The following CDCP1 variants were observed in gnomAD, a reference collection of about 807,000 sequenced individuals.
CDCP1 encodes CUB domain-containing protein 1.
CDCP1 carries 29 observed loss-of-function variants against 60.2 expected under a neutral mutation model. The ratio of observed to expected loss-of-function variants is 0.48; its 90% CI spans 0.36 to 0.66. The LOEUF is 0.66. Ranked by LOEUF, CDCP1 falls within the 30% of genes least tolerant of loss-of-function variation. CDCP1 has a pLI of 0.00. For missense variants in CDCP1, 876 were observed against 1,074.3 expected, an observed-to-expected ratio of 0.82 and a Z score of 2.58; for synonymous variants, 387 against 431.1, an observed-to-expected ratio of 0.90 and a Z score of 1.27.
At chr3:45,108,074 G>A (rs1476093891) in intron 4 of CDCP1, among the ~76,000 whole-genome samples, 3 of 151,656 alleles carry the variant, frequency 2.0e-5, no homozygotes, top group Admixed American at 1.3e-4. Flanking sequence ...GCTGAGAGCC[G>A]AGATCACGCC....
chr3:45,134,273 C>T lies in CDCP1; in HGVS notation c.82+11933G>A, dbSNP rs573437852. 8.5e-5 allele frequency among the ~76,000 whole-genome samples: 13 copies of T among 152,252 alleles called. No individual in the cohort carries two copies. The South Asian group carries it at 1.9e-3, about 22-fold the overall frequency. On this transcript the variant is annotated intron_variant, in intron 1 of 8. Transcript: ENST00000296129. ...CTGAGTAGCTGAGACTACAGGCGCC[C>T]GCCACCACACCCAGCTAATTTTTTG...
rs73829922 is a variant in CDCP1 at position 45,110,176 on chromosome 3, G to C, written c.1024+297C>G. On this transcript the variant is annotated intron_variant, in intron 4 of 8. Transcript: ENST00000296129. ...GGTGACATCCTCATTCACATTGCAG[G>C]GTCAAGACATAAGATCTAGAAAAAT... 9.0e-4 allele frequency: 1,116 copies of C among 1,235,116 alleles called. 12 individuals carry two copies. The African/African-American group carries it at 0.016, about 18-fold the overall frequency. The allele number at this position is 1,235,116 out of a possible 1,614,324, so 76.5% of individuals were successfully genotyped here.
intron 7 of CDCP1, among the ~76,000 whole-genome samples, chr3:45,089,926 A>T (rs969292236): frequency 2.0e-5 from 3 of 152,222 alleles, no homozygotes; most frequent in African/African-American, 7.2e-5. Flanking sequence ...CTTTTCCTGC[A>T]GCTGCACAAA....
intron 2 of CDCP1, among the ~76,000 whole-genome samples, chr3:45,113,694 A>G (rs1391811210): frequency 6.6e-6 from 1 of 152,222 alleles, no homozygotes; most frequent in African/African-American, 2.4e-5. Flanking sequence ...GTACACGGCA[A>G]TTCCAGATCC....
At chr3:45,094,512 C>T (rs1480477283) in intron 5 of CDCP1, among the ~76,000 whole-genome samples, 1 of 152,166 alleles carries the variant, frequency 6.6e-6, no homozygotes, top group African/African-American at 2.4e-5. Flanking sequence ...CTGCCTGCCT[C>T]GGCCTCCCAA....
intron 1 of CDCP1, 108 bp from the exon 2 acceptor site, chr3:45,118,729 G>T (rs1698835055): frequency 6.3e-6 from 5 of 794,906 alleles, no homozygotes; most frequent in Non-Finnish European, 1.0e-5. Flanking sequence ...TGACAACTTT[G>T]TTCCTTCCCT....
In CDCP1 at chr3:45,110,538, G is replaced by T. The variant is rs769087346; in HGVS notation, c.959C>A (p.Ala320Asp). ...CAGCCGGAGGATCCCTGGACTTTGG[G>T]CATCTTGGTCACAGCCTTGCAGAGA... is the stretch of plus-strand genomic sequence containing the variant. ...NLSLQGCDQD[A>D]QSPGILRLQF... The change falls in exon 4 of 9, where the codon GCC (alanine) becomes GAC (aspartate). Residue 320 changes from alanine to aspartate, a missense_variant. Around this residue, in one of 2 missense-constraint regions of CDCP1, gnomAD observed 726 missense variants for 935.7 expected, o/e 0.78. Coordinates refer to ENST00000296129, the MANE Select transcript of CDCP1 (RefSeq NM_022842.5). 6.2e-7 allele frequency: 1 copy of T among 1,614,192 alleles called. No individual in the cohort carries two copies. The highest frequency in any genetic ancestry group is 8.5e-7 in the Non-Finnish European group (1 of 1,180,030).
chr3:45,099,112 ATCTTT>A (rs994692334), intron 4 of CDCP1, among the ~76,000 whole-genome samples: 3 of 147,336 alleles, frequency 2.0e-5, no homozygotes, highest in South Asian at 2.1e-4. Flanking sequence ...TCCTGGATCC[ATCTTT>A]TCTTTTCTTT....
In CDCP1 at chr3:45,112,180, G is replaced by A. The variant is rs1421649201; in HGVS notation, c.558C>T (p.Ile186=). 6.2e-7 allele frequency: 1 copy of A among 1,614,160 alleles called. No individual in the cohort carries two copies. Residue 186 remains isoleucine, a synonymous_variant, in exon 3 of 9, where the codon ATC becomes ATT. Coordinates refer to ENST00000296129, the MANE Select transcript of CDCP1 (RefSeq NM_022842.5). The part of the protein sequence containing the change: ...TFCSNGTVSR[I]KMQEGVKMAL... ...CCATTTTCACTCCTTCTTGCATCTT[G>A]ATCCGGGACACAGTGCCATTGCTGC...
At chr3:45,094,606 G>A (rs1698363166) in intron 5 of CDCP1, among the ~76,000 whole-genome samples, 1 of 152,102 alleles carries the variant, frequency 6.6e-6, no homozygotes, top group South Asian at 2.1e-4. Context: ...GCACCGGTAG[G>A]GGCTAACTGG....
chr3:45,142,822 G>A (rs1302499512), intron 1 of CDCP1, among the ~76,000 whole-genome samples: 1 of 152,030 alleles, frequency 6.6e-6, no homozygotes, highest in Non-Finnish European at 1.5e-5. Context: ...TCCAGAACGT[G>A]GAAATGCGCG....
rs1490203478 is a variant in CDCP1, at chr3:45,096,058, G to A, written c.1025-490C>T. 2.0e-5 allele frequency among the ~76,000 whole-genome samples: 3 copies of A among 152,238 alleles called. No homozygotes were observed. The East Asian group carries it at 5.8e-4, about 29-fold the overall frequency. Reference sequence around the variant, plus strand: ...TCCCACTCCTCAGATGGGGGGAAATGTAGATGTCTGGCAATACTGAAAGCT... The same window carrying A: ...TCCCACTCCTCAGATGGGGGGAAATATAGATGTCTGGCAATACTGAAAGCT... On this transcript the variant is annotated intron_variant, in intron 4 of 8. Coordinates refer to ENST00000296129, the MANE Select transcript of CDCP1 (RefSeq NM_022842.5).
chr3:45,143,158 C>G (rs375444728), intron 1 of CDCP1, among the ~76,000 whole-genome samples: 2 of 152,140 alleles, frequency 1.3e-5, no homozygotes, highest in African/African-American at 4.8e-5. Context: ...GAGCCGAGAT[C>G]GCGCCATTGC....
At chr3:45,137,920 G>A (rs933699567) in intron 1 of CDCP1, among the ~76,000 whole-genome samples, 1 of 152,160 alleles carries the variant, frequency 6.6e-6, no homozygotes, top group Non-Finnish European at 1.5e-5. Flanking sequence ...CAGTTCCAGA[G>A]TAATCCTCCA....
rs571980515 is a variant in CDCP1 at position 45,110,660 on chromosome 3, C to T, written c.837G>A (p.Glu279=). 4.3e-6 allele frequency: 7 copies of T among 1,614,182 alleles called. No individual in the cohort carries two copies. In the African/African-American group the frequency reaches 8.0e-5, roughly 18 times the overall value. ...AGCCCGGGATGTAGTATTCAACCCGCTCCTCCTTCCTCTCACAGTTGGAGA... is the reference window on the plus strand; with the variant it reads ...AGCCCGGGATGTAGTATTCAACCCGTTCCTCCTTCCTCTCACAGTTGGAGA... ...FNLSNCERKE[E]RVEYYIPGST... is the part of the protein sequence containing the mutation. The change falls in exon 4 of 9, where the codon GAG becomes GAA. Residue 279 remains glutamate (E), a synonymous_variant. Transcript: ENST00000296129.
At chr3:45,143,201 T>C (rs1270113151) in intron 1 of CDCP1, among the ~76,000 whole-genome samples, 1 of 152,128 alleles carries the variant, frequency 6.6e-6, no homozygotes, top group African/African-American at 2.4e-5. Flanking sequence ...TGAAACTCTG[T>C]CTCAAAAATT....
chr3:45,140,904 A>G (rs1363326742), intron 1 of CDCP1, among the ~76,000 whole-genome samples: 1 of 152,234 alleles, frequency 6.6e-6, no homozygotes, highest in East Asian at 1.9e-4. Flanking sequence ...ACTAGGATCA[A>G]GAATGTCAGG....
At chr3:45,097,000 T>A (rs1698410624) in intron 4 of CDCP1, among the ~76,000 whole-genome samples, 1 of 152,180 alleles carries the variant, frequency 6.6e-6, no homozygotes, top group African/African-American at 2.4e-5. Flanking sequence ...ATTTCTATAA[T>A]TTTGCCATTA....
chr3:45,118,711 G>A (rs770990330), intron 1 of CDCP1, 90 bp from the exon 2 acceptor site: 1 of 971,014 alleles, frequency 1.0e-6, no homozygotes, highest in Non-Finnish European at 1.6e-6. Context: ...CAGAGAGGAT[G>A]TCCTCTATGA....
Sources: gnomAD v4.1 joint callset for allele counts (sites outside exome capture counted in the v4.1 genomes callset) on GRCh38, gnomAD v4.1.1 for gene constraint, gnomAD v4.1.1 regional missense constraint, MANE v1.5 for transcripts, NCBI Gene and HGNC (gene_info 2026-07-23, HGNC 2026-07-21) for gene names.